IL31RA: variants seen among roughly 807,000 people sequenced by gnomAD.
The protein encoded by IL31RA is interleukin-31 receptor subunit alpha.
Under a neutral mutation model 83.7 loss-of-function variants are expected in IL31RA, and 66 were observed. The observed-to-expected ratio is 0.79, with a 90% CI of 0.65 to 0.97. The LOEUF (loss-of-function observed/expected upper bound fraction) is 0.97, where lower values mean the gene tolerates loss of function less well. Among genes scored for constraint, IL31RA ranks in the 50% least tolerant of loss-of-function variants. The pLI is 0.00. For synonymous variants in IL31RA, 325 were observed against 329.0 expected (o/e 0.99, Z 0.13); for missense variants, 798 against 919.4 (o/e 0.87, Z 1.71).
chr5:55,861,572 A>C (rs776513785), intron 2 of IL31RA, among the ~76,000 whole-genome samples: 1 of 152,204 alleles, frequency 6.6e-6, no homozygotes, highest in Non-Finnish European at 1.5e-5. Context: ...ATTATCTTCC[A>C]CAAAACTGGT....
rs1370231121 is a variant in IL31RA, at chr5:55,919,981, T to C, written c.*2861T>C. Among the ~76,000 whole-genome samples the C allele has an allele frequency of 6.6e-6, 1 of 152,228 alleles. No homozygotes were observed. The highest frequency in any genetic ancestry group is 1.5e-5 in the Non-Finnish European group (1 of 68,030). On this transcript the variant is annotated 3_prime_UTR_variant, in exon 15 of 15. Coordinates refer to ENST00000652347, the MANE Select transcript of IL31RA (RefSeq NM_139017.7). ...TTATTAAAAATGGATAAACCAGTTTTCTGAGACCCTGGGATCCATGCAGAC... is the reference window on the plus strand; with the variant it reads ...TTATTAAAAATGGATAAACCAGTTTCCTGAGACCCTGGGATCCATGCAGAC...
At chr5:55,842,373 G>T in the IL31RA span, among the ~76,000 whole-genome samples, 2 of 152,146 alleles carry the variant, frequency 1.3e-5, no homozygotes, top group East Asian at 3.8e-4. Context: ...GCCACTATTG[G>T]ACCCACTATG....
rs937723422 is a variant in IL31RA at position 55,918,541 on chromosome 5, G to A, written c.*1421G>A. Reference sequence around the variant, plus strand: ...CCCTCCCCTGTCCTGCCTGGGACTGGCTCTGAGTGCCGAGGATGTTCAATG... The same window carrying A: ...CCCTCCCCTGTCCTGCCTGGGACTGACTCTGAGTGCCGAGGATGTTCAATG... On this transcript the variant is annotated 3_prime_UTR_variant, in exon 15 of 15. Coordinates refer to ENST00000652347, the MANE Select transcript of IL31RA (RefSeq NM_139017.7). Among the ~76,000 whole-genome samples, 22 of 152,248 alleles carry A rather than the reference G, an allele frequency of 1.4e-4. No individual in the cohort carries two copies. Among genetic ancestry groups the A allele is most frequent in the African/African-American group, 5.3e-4 (22 of 41,530 alleles).
intron 4 of IL31RA, among the ~76,000 whole-genome samples, chr5:55,877,047 CT>C (rs1009973603): frequency 1.3e-5 from 2 of 151,962 alleles, no homozygotes; most frequent in African/African-American, 2.4e-5. Context: ...TTTTATCCCT[CT>C]TTTTTTCATT....
chr5:55,867,147 G>T (rs1746132579), intron 2 of IL31RA, among the ~76,000 whole-genome samples: 1 of 129,918 alleles, frequency 7.7e-6, no homozygotes, highest in African/African-American at 2.8e-5. Flanking sequence ...ATGTGTGTGT[G>T]CATGTGTGTT....
chr5:55,922,299 G>T lies in IL31RA; in HGVS notation c.*5179G>T. The T allele has an allele frequency of 1.0e-6, 1 of 969,996 alleles. No homozygotes were observed. The highest frequency in any genetic ancestry group is 1.6e-6 in the Non-Finnish European group (1 of 616,898). 60.1% of individuals were successfully genotyped at this position (969,996 alleles called of 1,614,324 possible). ...TGGGGAGAAGCAAGGGGCAGGGGAG[G>T]GGCAGAACTCCACAAGAGGGCAAAA... On this transcript the variant is annotated 3_prime_UTR_variant, in exon 15 of 15. Transcript: ENST00000652347.
intron 5 of IL31RA, among the ~76,000 whole-genome samples, chr5:55,886,042 C>A (rs1285506511): frequency 6.6e-6 from 1 of 151,940 alleles, no homozygotes; most frequent in Non-Finnish European, 1.5e-5. Flanking sequence ...ATTACTATAC[C>A]GCATATAACA....
At chr5:55,864,454 TA>T (rs1165258021) in intron 2 of IL31RA, among the ~76,000 whole-genome samples, 1 of 129,688 alleles carries the variant, frequency 7.7e-6, no homozygotes, top group African/African-American at 3.0e-5. Context: ...ACACCACACA[TA>T]CTGCACATAT....
Position 55,890,254 on chromosome 5 carries a change from C to G in IL31RA, c.772+119C>G. 4.2e-6 allele frequency: 4 copies of G among 950,326 alleles called. No individual in the cohort carries two copies. In the South Asian group the frequency reaches 5.5e-5, roughly 13 times the overall value. The allele number at this position is 950,326 out of a possible 1,614,324, so 58.9% of individuals were successfully genotyped here. On this transcript the variant is annotated intron_variant, in intron 6 of 14. Coordinates refer to ENST00000652347, the MANE Select transcript of IL31RA (RefSeq NM_139017.7). ...TCATGGAATCTCATGACCCCAGGGGCCCCCTGTACCATCGAGAGTGAGCCT... is the reference window on the plus strand; with the variant it reads ...TCATGGAATCTCATGACCCCAGGGGGCCCCTGTACCATCGAGAGTGAGCCT...
chr5:55,920,977 G>A lies in IL31RA; in HGVS notation c.*3857G>A, dbSNP rs976835477. Among the ~76,000 whole-genome samples, 1 of 152,080 alleles carries A rather than the reference G, an allele frequency of 6.6e-6. No individual in the cohort carries two copies. The highest frequency in any genetic ancestry group is 2.4e-5 in the African/African-American group (1 of 41,414). ...TGCTACTGGCATCTAGTGGGTAGAG[G>A]CCGGCAATGCTGGAAATTATCTTAT... is the stretch of plus-strand genomic sequence containing the variant. On this transcript the variant is annotated 3_prime_UTR_variant, in exon 15 of 15. Coordinates refer to ENST00000652347, the MANE Select transcript of IL31RA (RefSeq NM_139017.7).
At chr5:55,914,769 C>A in intron 13 of IL31RA, 78 bp from the exon 14 acceptor site, 1 of 1,025,448 alleles carries the variant, frequency 9.8e-7, no homozygotes, top group Non-Finnish European at 1.6e-6. Flanking sequence ...TTAGCACAGC[C>A]TCACTCTTTT....
intron 11 of IL31RA, among the ~76,000 whole-genome samples, chr5:55,909,617 G>T (rs1749371073): frequency 6.6e-6 from 1 of 151,914 alleles, no homozygotes; most frequent in South Asian, 2.1e-4. Flanking sequence ...TGTCCTGGTA[G>T]GTATGTAGTG....
chr5:55,904,745 C>A (rs374072114), intron 8 of IL31RA, among the ~76,000 whole-genome samples: 87 of 152,210 alleles, frequency 5.7e-4, no homozygotes, highest in African/African-American at 1.9e-3. Context: ...GGGTTTGTTG[C>A]CAAGGAATAG....
chr5:55,908,868 A>C, intron 11 of IL31RA: 1 of 1,307,968 alleles, frequency 7.6e-7, no homozygotes. Context: ...GCTTAGGCTA[A>C]ATAATTTTTT....
the IL31RA span, among the ~76,000 whole-genome samples, chr5:55,844,947 G>A: frequency 1.3e-5 from 2 of 152,076 alleles, no homozygotes; most frequent in East Asian, 3.9e-4. Flanking sequence ...TTAACCTCTA[G>A]CATCTCTTTT....
At chr5:55,864,091 T>A (rs975310285) in intron 2 of IL31RA, among the ~76,000 whole-genome samples, 5 of 152,102 alleles carry the variant, frequency 3.3e-5, no homozygotes, top group Admixed American at 6.6e-5. Flanking sequence ...ATGAGAATAA[T>A]ATAAGACTAA....
intron 8 of IL31RA, among the ~76,000 whole-genome samples, chr5:55,902,745 A>G (rs923378722): frequency 1.3e-5 from 2 of 152,256 alleles, no homozygotes; most frequent in African/African-American, 2.4e-5. Context: ...TTTTGTAAGT[A>G]TAACTATCAT....
At chr5:55,897,987 C>A (rs565704058) in intron 7 of IL31RA, among the ~76,000 whole-genome samples, 1 of 152,318 alleles carries the variant, frequency 6.6e-6, no homozygotes, top group South Asian at 2.1e-4. Flanking sequence ...GCACCATCGC[C>A]CACTCCCTCC....
In IL31RA at chr5:55,922,132, T is replaced by A. The variant is rs911590935; in HGVS notation, c.*5012T>A. ...TCCTCATTTCCTTTGGACACTGGGG[T>A]CAGTGGGGAGAGAGTTTGCTCCGAA... On this transcript the variant is annotated 3_prime_UTR_variant, in exon 15 of 15. Coordinates refer to ENST00000652347, the MANE Select transcript of IL31RA (RefSeq NM_139017.7). Among the ~76,000 whole-genome samples, 4 of 135,656 alleles carry A rather than the reference T, an allele frequency of 2.9e-5. No homozygotes were observed. Among genetic ancestry groups the A allele is most frequent in the Non-Finnish European group, 6.2e-5 (4 of 65,020 alleles). The allele number at this position is 135,656 out of a possible 152,430, so 89.0% of individuals were successfully genotyped here. A position where few individuals can be genotyped will look rare whatever the true frequency, so the allele number is the denominator to read the frequency against.
Sources: gnomAD v4.1 joint callset for allele counts (sites outside exome capture counted in the v4.1 genomes callset) on GRCh38, gnomAD v4.1.1 for gene constraint, MANE v1.5 for transcripts, NCBI Gene and HGNC (gene_info 2026-07-23, HGNC 2026-07-21) for gene names.